PLA2G4E: variants seen among roughly 807,000 people sequenced by gnomAD.
PLA2G4E encodes the protein cytosolic phospholipase A2 epsilon.
In PLA2G4E, 84 loss-of-function variants were observed where a neutral mutation model predicts 109.1. That is an observed-to-expected ratio of 0.77 (90% confidence interval 0.65 to 0.92). The LOEUF is 0.92. Among genes scored for constraint, PLA2G4E ranks in the 40% least tolerant of loss-of-function variants. The pLI, the probability that PLA2G4E is intolerant of heterozygous loss-of-function variation, is 0.00. For synonymous variants in PLA2G4E, 469 were observed against 436.1 expected (o/e 1.08, Z -0.94); for missense variants, 1,057 against 1,076.6 (o/e 0.98, Z 0.25).
intron 1 of PLA2G4E, among the ~76,000 whole-genome samples, chr15:42,023,673 C>T (rs145726497): frequency 1.3e-5 from 2 of 151,404 alleles, no homozygotes; most frequent in African/African-American, 2.4e-5. Flanking sequence ...CCCTCCCACT[C>T]CCCCACCCTT....
chr15:42,012,448 C>T (rs2068546013), intron 2 of PLA2G4E, among the ~76,000 whole-genome samples: 1 of 152,204 alleles, frequency 6.6e-6, no homozygotes, highest in African/African-American at 2.4e-5. Flanking sequence ...AATGGGCCTC[C>T]AGGGCCTCTC....
intron 1 of PLA2G4E, among the ~76,000 whole-genome samples, chr15:42,050,201 G>A (rs1323374863): frequency 6.6e-6 from 1 of 152,182 alleles, no homozygotes; most frequent in African/African-American, 2.4e-5. Context: ...CTAGCTATGT[G>A]GCCTTGGGCA....
At chr15:42,006,509 G>A (rs943835509) in intron 3 of PLA2G4E, among the ~76,000 whole-genome samples, 1 of 152,214 alleles carries the variant, frequency 6.6e-6, no homozygotes, top group Admixed American at 6.5e-5. Context: ...CCTGGGCACT[G>A]AAGACAGCCC....
In PLA2G4E at chr15:42,007,891, A is replaced by C. The variant is rs756838509; in HGVS notation, c.257-26T>G. The C allele has an allele frequency of 9.5e-6, 15 of 1,584,568 alleles. No homozygotes were observed. In the African/African-American group the frequency reaches 1.7e-4, roughly 18 times the overall value. ...CTGTCCAAGAAAGATAAGTGGAACC[A>C]ATCCAGGTTCAGAGAGAACATGTGG... On this transcript the variant is annotated intron_variant, in intron 2 of 19. Transcript: ENST00000399518.
At chr15:42,050,377 T>G (rs1595582569) in intron 1 of PLA2G4E, 2 of 976,896 alleles carry the variant, frequency 2.0e-6, no homozygotes, top group Non-Finnish European at 1.5e-6. Flanking sequence ...GGCAGCAGGG[T>G]AAAGGGACTC....
intron 2 of PLA2G4E, chr15:42,009,766 CT>C (rs1451217605): frequency 6.0e-6 from 1 of 166,870 alleles, no homozygotes; most frequent in Non-Finnish European, 1.3e-5. Flanking sequence ...TCAAAACTGC[CT>C]TTGCACATGT....
exon 6 of PLA2G4E, chr15:42,002,662 C>G: frequency 6.3e-7 from 1 of 1,585,326 alleles, no homozygotes; most frequent in Non-Finnish European, 8.6e-7. Context: ...ACCACCAGCA[C>G]GCCATTGGTG....
exon 13 of PLA2G4E, chr15:41,992,823 C>T (rs897052214): frequency 6.2e-7 from 1 of 1,613,972 alleles, no homozygotes; most frequent in Non-Finnish European, 8.5e-7. Flanking sequence ...TGCCGGAGCT[C>T]CTCCTGGAAT....
chr15:42,020,355 G>A (rs570574362), intron 1 of PLA2G4E, among the ~76,000 whole-genome samples: 1 of 152,322 alleles, frequency 6.6e-6, no homozygotes, highest in East Asian at 1.9e-4. Context: ...TGCCTAGATG[G>A]GGAAACTGAG....
chr15:42,027,153 A>T (rs1197438665), intron 1 of PLA2G4E, among the ~76,000 whole-genome samples: 1 of 152,198 alleles, frequency 6.6e-6, no homozygotes, highest in Non-Finnish European at 1.5e-5. Context: ...GCAGAACAAC[A>T]TGATGGGTCT....
intron 1 of PLA2G4E, among the ~76,000 whole-genome samples, chr15:42,048,130 T>C (rs984793223): frequency 6.6e-6 from 1 of 152,342 alleles, no homozygotes; most frequent in East Asian, 1.9e-4. Context: ...TTTAGATACA[T>C]TTAGGTATGC....
chr15:42,048,039 G>A (rs1294873807), intron 1 of PLA2G4E, among the ~76,000 whole-genome samples: 3 of 152,174 alleles, frequency 2.0e-5, no homozygotes, highest in Admixed American at 1.3e-4. Flanking sequence ...GCATAATGAC[G>A]GTTTGGTTAA....
chr15:41,983,687 C>T, exon 20 of PLA2G4E: 1 of 1,405,538 alleles, frequency 7.1e-7, no homozygotes, highest in African/African-American at 1.4e-5. Context: ...GTAACCTGGT[C>T]AGCCCTGAGG....
Position 41,997,229 on chromosome 15 carries a change from GA to G in PLA2G4E, c.1004del (p.Phe335SerfsTer22). 6.5e-7 allele frequency: 1 copy of G among 1,549,736 alleles called. No individual in the cohort carries two copies. The highest frequency in any genetic ancestry group is 8.7e-7 in the Non-Finnish European group (1 of 1,146,048). On this transcript the variant is annotated frameshift_variant, in exon 11 of 20. Transcript: ENST00000399518. LOFTEE classifies it high-confidence loss of function. ...ACTCCAGCTCTGCTGGGCACAGGCT[GA>G]AGCCCAGCCGCACGTCCAGTGTCTC...
intron 1 of PLA2G4E, among the ~76,000 whole-genome samples, chr15:42,041,379 G>A (rs1231185619): frequency 3.3e-5 from 5 of 152,226 alleles, no homozygotes; most frequent in East Asian, 1.9e-4. Context: ...CGCACCCACC[G>A]ATGTATCCAT....
intron 1 of PLA2G4E, among the ~76,000 whole-genome samples, chr15:42,045,179 G>A (rs986174874): frequency 5.9e-5 from 9 of 152,182 alleles, no homozygotes; most frequent in African/African-American, 1.9e-4. Context: ...TAGGGGCAAG[G>A]TTTGGAAAGG....
chr15:41,999,826 C>A, intron 9 of PLA2G4E, 91 bp downstream of exon 9: 1 of 1,380,200 alleles, frequency 7.2e-7, no homozygotes, highest in Non-Finnish European at 1.0e-6. Flanking sequence ...GTCACATTCT[C>A]TCTTGTACCT....
chr15:42,000,951 C>T (rs187573400), intron 7 of PLA2G4E, among the ~76,000 whole-genome samples: 76 of 152,278 alleles, frequency 5.0e-4, no homozygotes, highest in Admixed American at 1.6e-3. Flanking sequence ...TATGTGGGTG[C>T]TTGGGCGAAC....
At position 41,989,441 on chromosome 15, in the gene PLA2G4E, G is replaced by T. The variant is rs201200817; in HGVS notation, c.1697C>A (p.Pro566Gln). The change falls in exon 15 of 20, where the codon CCG (proline) becomes CAG (glutamine). Residue 566 changes from proline to glutamine, a missense_variant. Pro to Gln is a moderately conservative substitution (Grantham distance 76). Coordinates refer to ENST00000399518, the Ensembl canonical transcript of PLA2G4E. ...TAGCATGTAGCAGATTCGAGACTCCGGGATCCTCTTCACCAGCCGCCCCAT... is the reference window on the plus strand; with the variant it reads ...TAGCATGTAGCAGATTCGAGACTCCTGGATCCTCTTCACCAGCCGCCCCAT... 182 of 1,613,876 alleles carry T rather than the reference G, an allele frequency of 1.1e-4. 1 individual carries two copies. The African/African-American group carries it at 2.1e-3, about 19-fold the overall frequency.
Sources: gnomAD v4.1 joint callset for allele counts (sites outside exome capture counted in the v4.1 genomes callset) on GRCh38, gnomAD v4.1.1 for gene constraint, MANE v1.5 for transcripts, NCBI Gene and HGNC (gene_info 2026-07-23, HGNC 2026-07-21) for gene names.